Variants in STK24 observed in about 807,000 individuals in gnomAD.
STK24 encodes serine/threonine-protein kinase 24.
Under a neutral mutation model 55.6 loss-of-function variants are expected in STK24, and 21 were observed. That is an observed-to-expected ratio of 0.38 (90% confidence interval 0.27 to 0.54). STK24 has a LOEUF of 0.54. Among genes scored for constraint, STK24 ranks in the 20% least tolerant of loss-of-function variants. The pLI, the probability that STK24 is intolerant of heterozygous loss-of-function variation, is 0.79. For synonymous variants in STK24, 200 were observed against 215.2 expected (o/e 0.93, Z 0.62); for missense variants, 383 against 538.4 (o/e 0.71, Z 2.86).
intron 2 of STK24, among the ~76,000 whole-genome samples, chr13:98,498,167 C>T (rs1166569746): frequency 2.6e-5 from 4 of 152,210 alleles, no homozygotes; most frequent in African/African-American, 4.8e-5. Flanking sequence ...ATATGATAGA[C>T]GTCTGCACTG....
At chr13:98,503,782 T>C (rs1376358458) in intron 2 of STK24, among the ~76,000 whole-genome samples, 1 of 152,196 alleles carries the variant, frequency 6.6e-6, no homozygotes, top group African/African-American at 2.4e-5. Context: ...ATTGAAGATT[T>C]TTCCTTTTTT....
At chr13:98,501,192 G>A (rs776895829) in intron 2 of STK24, among the ~76,000 whole-genome samples, 2 of 152,176 alleles carry the variant, frequency 1.3e-5, no homozygotes, top group South Asian at 2.1e-4. Context: ...AGTCGGGTTC[G>A]CTTGCACAGC....
intron 1 of STK24, among the ~76,000 whole-genome samples, chr13:98,571,117 G>A (rs571937295): frequency 1.1e-4 from 16 of 152,280 alleles, no homozygotes; most frequent in African/African-American, 3.8e-4. Flanking sequence ...CGTTTCTCAG[G>A]AGACCATCGG....
chr13:98,569,742 T>C (rs1309097104), intron 1 of STK24, among the ~76,000 whole-genome samples: 1 of 151,084 alleles, frequency 6.6e-6, no homozygotes, highest in Admixed American at 6.6e-5. Context: ...CATTACAACA[T>C]CTCTCTGCTG....
intron 10 of STK24, chr13:98,455,746 C>T (rs546403726): frequency 6.6e-6 from 1 of 152,330 alleles, no homozygotes; most frequent in African/African-American, 2.4e-5. Flanking sequence ...TATAAACAAA[C>T]AGTTCATAAC....
intron 9 of STK24, among the ~76,000 whole-genome samples, chr13:98,459,186 A>G (rs1893595230): frequency 6.6e-6 from 1 of 152,118 alleles, no homozygotes; most frequent in African/African-American, 2.4e-5. Context: ...CACGGGGCCA[A>G]CTCCCATGGG....
At chr13:98,482,461 A>C (rs1894629261) in intron 2 of STK24, 140 bp from the exon 3 acceptor site, 1 of 559,040 alleles carries the variant, frequency 1.8e-6, no homozygotes, top group Non-Finnish European at 3.2e-6. Context: ...AGTGTGTCAA[A>C]GTGAGAGCTG....
chr13:98,518,592 G>A (rs757956012), intron 2 of STK24, among the ~76,000 whole-genome samples: 2 of 152,218 alleles, frequency 1.3e-5, no homozygotes, highest in Non-Finnish European at 2.9e-5. Context: ...CCTTCTTAGT[G>A]TTGTAACAGG....
At chr13:98,567,102 GC>G (rs1282096132) in intron 1 of STK24, among the ~76,000 whole-genome samples, 1 of 152,148 alleles carries the variant, frequency 6.6e-6, no homozygotes, top group Non-Finnish European at 1.5e-5. Flanking sequence ...TCACTTGAAG[GC>G]CATACCCCAA....
In STK24 at chr13:98,448,145, C is replaced by T. The variant is rs1892973230; in HGVS notation, c.*5028G>A. On this transcript the variant is annotated 3_prime_UTR_variant, in exon 11 of 11. Coordinates refer to ENST00000539966, the MANE Select transcript of STK24 (RefSeq NM_001032296.4). ...GCAGATTACCAACCAGGCGGCCTGACTTCACCTTGTGTTTCTGTAAGCGAT... is the reference window on the plus strand; with the variant it reads ...GCAGATTACCAACCAGGCGGCCTGATTTCACCTTGTGTTTCTGTAAGCGAT... 1 of 1,133,654 alleles carries T rather than the reference C, an allele frequency of 8.8e-7. No homozygotes were observed. Among genetic ancestry groups the T allele is most frequent in the Admixed American group, 1.7e-5 (1 of 58,558 alleles). 70.2% of individuals were successfully genotyped at this position (1,133,654 alleles called of 1,614,324 possible).
chr13:98,460,496 T>A, intron 8 of STK24, 56 bp from the exon 9 acceptor site: 1 of 1,471,364 alleles, frequency 6.8e-7, no homozygotes, highest in Admixed American at 1.7e-5. Flanking sequence ...ACATTGGCAA[T>A]AATTTAATAA....
At chr13:98,478,302 G>A (rs770507243) in intron 3 of STK24, among the ~76,000 whole-genome samples, 3 of 152,234 alleles carry the variant, frequency 2.0e-5, no homozygotes, top group Non-Finnish European at 4.4e-5. Context: ...CTGCTTCGAA[G>A]CTCTGTAACA....
At chr13:98,536,154 A>G (rs1187458575) in intron 1 of STK24, among the ~76,000 whole-genome samples, 1 of 151,960 alleles carries the variant, frequency 6.6e-6, no homozygotes, top group African/African-American at 2.4e-5. Context: ...ACCGGGGGGA[A>G]AAATGTCACT....
intron 10 of STK24, chr13:98,455,517 A>C (rs1303785862): frequency 6.6e-6 from 1 of 152,322 alleles, no homozygotes; most frequent in African/African-American, 2.4e-5. Flanking sequence ...TTGGGATTAC[A>C]GGCATGAGCC....
intron 1 of STK24, among the ~76,000 whole-genome samples, chr13:98,559,573 G>A (rs1489750724): frequency 6.6e-6 from 1 of 152,050 alleles, no homozygotes; most frequent in Non-Finnish European, 1.5e-5. Flanking sequence ...TCCCTTCCTA[G>A]TTTTTGTCAT....
chr13:98,476,242 C>G (rs545238285), intron 3 of STK24, among the ~76,000 whole-genome samples: 1 of 128,984 alleles, frequency 7.8e-6, no homozygotes, highest in Non-Finnish European at 1.6e-5. Flanking sequence ...GACGGGAAGC[C>G]CCCCCCCGCC....
intron 1 of STK24, among the ~76,000 whole-genome samples, chr13:98,574,980 C>T (rs937721902): frequency 1.3e-5 from 2 of 152,142 alleles, no homozygotes; most frequent in Admixed American, 6.6e-5. Flanking sequence ...TCCACAAAGG[C>T]CAATTAACCT....
At chr13:98,558,485 G>A (rs540676009) in intron 1 of STK24, among the ~76,000 whole-genome samples, 7 of 152,270 alleles carry the variant, frequency 4.6e-5, no homozygotes, top group Non-Finnish European at 7.4e-5. Context: ...GCACAGCCAG[G>A]CCTGGCACAG....
At chr13:98,522,241 G>A (rs1212104022) in intron 1 of STK24, among the ~76,000 whole-genome samples, 3 of 152,056 alleles carry the variant, frequency 2.0e-5, no homozygotes, top group Non-Finnish European at 4.4e-5. Flanking sequence ...GGATCTTCAC[G>A]CAGACTCCAC....
Sources: allele counts gnomAD v4.1 joint callset (sites outside exome capture counted in the v4.1 genomes callset), GRCh38; gene constraint gnomAD v4.1.1; transcripts MANE v1.5; gene names NCBI Gene and HGNC (gene_info 2026-07-23, HGNC 2026-07-21).